TIAM2: variants seen among roughly 807,000 people sequenced by gnomAD.
TIAM2 encodes the protein rho guanine nucleotide exchange factor TIAM2.
TIAM2 carries 80 observed loss-of-function variants against 152.9 expected under a neutral mutation model. The ratio of observed to expected loss-of-function variants is 0.52; its 90% CI spans 0.44 to 0.63. The LOEUF is 0.63. TIAM2 is among the 30% of genes least tolerant of loss of function. The pLI, the probability that TIAM2 is intolerant of heterozygous loss-of-function variation, is 0.00. For synonymous variants in TIAM2, 804 were observed against 838.0 expected (o/e 0.96, Z 0.70); for missense variants, 1,965 against 2,120.1 (o/e 0.93, Z 1.44).
intron 6 of TIAM2, among the ~76,000 whole-genome samples, chr6:155,146,818 T>A (rs2352148): frequency 6.7e-6 from 1 of 148,836 alleles, no homozygotes; most frequent in South Asian, 2.1e-4. Flanking sequence ...TGTGTTTCAC[T>A]ATGTTGGCCA....
At chr6:155,040,675 C>T (rs1777009706) in intron 1 of TIAM2, among the ~76,000 whole-genome samples, 1 of 152,078 alleles carries the variant, frequency 6.6e-6, no homozygotes, top group Non-Finnish European at 1.5e-5. Context: ...TGCGCTACCA[C>T]ACCCGGCTAA....
At chr6:155,185,455 T>C (rs1360654774) in intron 14 of TIAM2, among the ~76,000 whole-genome samples, 1 of 151,834 alleles carries the variant, frequency 6.6e-6, no homozygotes, top group African/African-American at 2.4e-5. Context: ...AATTTTTTTT[T>C]AAATAGTAAG....
At chr6:155,060,399 T>C (rs549645384) in intron 1 of TIAM2, among the ~76,000 whole-genome samples, 14 of 152,252 alleles carry the variant, frequency 9.2e-5, no homozygotes, top group African/African-American at 3.4e-4. Flanking sequence ...CGAAACTCCG[T>C]CTCAAAAAAC....
chr6:155,065,099 AC>A (rs1328885301), intron 1 of TIAM2, among the ~76,000 whole-genome samples: 1 of 151,988 alleles, frequency 6.6e-6, no homozygotes, highest in Non-Finnish European at 1.5e-5. Flanking sequence ...GACTACAGGC[AC>A]CCGACACCAC....
In TIAM2 at chr6:155,046,202, T is replaced by A. The variant is rs147850486; in HGVS notation, c.-208-44087T>A. ...TCTCTTTTCTAGGATTCCCTCGAACTTTCTGGTTCACTGCTGGCTTCTCTT... is the reference window on the plus strand; with the variant it reads ...TCTCTTTTCTAGGATTCCCTCGAACATTCTGGTTCACTGCTGGCTTCTCTT... On this transcript the variant is annotated intron_variant, in intron 1 of 26. Transcript: ENST00000682666. Among the ~76,000 whole-genome samples, 427 of 152,278 alleles carry A rather than the reference T, an allele frequency of 2.8e-3. 3 individuals carry two copies. Among genetic ancestry groups the A allele is most frequent in the African/African-American group, 9.6e-3 (399 of 41,566 alleles).
chr6:155,119,905 C>T (rs1201327180), intron 2 of TIAM2, among the ~76,000 whole-genome samples: 2 of 152,230 alleles, frequency 1.3e-5, no homozygotes. Context: ...TTCCGTTCTG[C>T]TAGTCTCTCT....
chr6:155,046,779 G>A (rs1321509809), intron 1 of TIAM2, among the ~76,000 whole-genome samples: 2 of 152,154 alleles, frequency 1.3e-5, no homozygotes, highest in African/African-American at 4.8e-5. Flanking sequence ...GAGACAGAGA[G>A]ACCTTACTAC....
intron 1 of TIAM2, among the ~76,000 whole-genome samples, chr6:155,028,386 T>A (rs544598414): frequency 9.7e-6 from 1 of 103,102 alleles, no homozygotes; most frequent in Admixed American, 9.5e-5. Context: ...CTGTGTTACA[T>A]ATATACTACA....
intron 2 of TIAM2, among the ~76,000 whole-genome samples, chr6:155,120,315 C>G (rs1779122695): frequency 6.6e-6 from 1 of 152,232 alleles, no homozygotes; most frequent in Non-Finnish European, 1.5e-5. Flanking sequence ...ACAATGAAAG[C>G]TTAGCTTCTG....
chr6:155,144,144 C>A (rs960469869), intron 5 of TIAM2, among the ~76,000 whole-genome samples: 2 of 152,306 alleles, frequency 1.3e-5, no homozygotes, highest in East Asian at 3.9e-4. Flanking sequence ...TCAACATCGT[C>A]TTTGGAGAAA....
chr6:155,164,279 C>A, intron 7 of TIAM2, 136 bp from the exon 8 acceptor site: 1 of 713,726 alleles, frequency 1.4e-6, no homozygotes, highest in Non-Finnish European at 2.2e-6. Context: ...ATGGGGTGAG[C>A]AGGAAAGGCT....
intron 15 of TIAM2, among the ~76,000 whole-genome samples, chr6:155,228,903 A>G (rs1039431437): frequency 6.6e-6 from 1 of 152,188 alleles, no homozygotes; most frequent in Non-Finnish European, 1.5e-5. Context: ...AGCAGTGACC[A>G]TGGCGCTTCC....
chr6:155,211,284 G>A lies in TIAM2; in HGVS notation c.3145G>A (p.Glu1049Lys), dbSNP rs1174121781. ...DGTLDQVSHR[E>K]KMEQTFRSAE... ...CACTCTGGATCAGGTTTCCCACAGG[G>A]AGAAAATGGAGCAGACATTCAGGGT... The change falls in exon 15 of 27, where the codon GAG (glutamate) becomes AAG (lysine). Residue 1049 changes from glutamate to lysine, a missense_variant. Glu to Lys is a moderately conservative substitution (Grantham distance 56). Transcript: ENST00000682666. 1.2e-6 allele frequency: 2 copies of A among 1,613,382 alleles called. No homozygotes were observed.
chr6:155,119,392 C>T (rs372624159), intron 2 of TIAM2, among the ~76,000 whole-genome samples: 14 of 151,500 alleles, frequency 9.2e-5, no homozygotes, highest in Admixed American at 5.3e-4. Context: ...CAGGCTGGAG[C>T]GCAGTGATGC....
chr6:155,219,409 C>T (rs1190788162), intron 15 of TIAM2, among the ~76,000 whole-genome samples: 2 of 151,962 alleles, frequency 1.3e-5, no homozygotes, highest in Non-Finnish European at 2.9e-5. Flanking sequence ...CAGACTTTGC[C>T]CCTCCTGGAA....
intron 1 of TIAM2, among the ~76,000 whole-genome samples, chr6:154,996,824 G>A (rs1160994416): frequency 6.6e-6 from 1 of 152,126 alleles, no homozygotes; most frequent in African/African-American, 2.4e-5. Context: ...TTGTTCCACC[G>A]GATTTTACCT....
In TIAM2 at chr6:155,150,062, G is replaced by A. The variant is rs946902553; in HGVS notation, c.2028+1728G>A. 2.0e-5 allele frequency among the ~76,000 whole-genome samples: 3 copies of A among 149,738 alleles called. No individual in the cohort carries two copies. In the South Asian group the frequency reaches 6.3e-4, roughly 32 times the overall value. ...AATAGCAAAATAACCAAATAATTCC[G>A]ACCTCTGCCCCTCATTAATCTTCTC... On this transcript the variant is annotated intron_variant, in intron 7 of 26. Coordinates refer to ENST00000682666, the MANE Select transcript of TIAM2 (RefSeq NM_012454.4).
chr6:155,056,317 G>T (rs954998363), intron 1 of TIAM2, among the ~76,000 whole-genome samples: 1 of 151,230 alleles, frequency 6.6e-6, no homozygotes, highest in African/African-American at 2.4e-5. Context: ...GACTGTCGGC[G>T]CCTACCACCA....
At chr6:155,095,686 T>C (rs1334857734) in intron 2 of TIAM2, among the ~76,000 whole-genome samples, 1 of 152,218 alleles carries the variant, frequency 6.6e-6, no homozygotes, top group Non-Finnish European at 1.5e-5. Flanking sequence ...AGATGACCTC[T>C]CTGGTCTCTT....
Sources: allele counts gnomAD v4.1 joint callset (sites outside exome capture counted in the v4.1 genomes callset), GRCh38; gene constraint gnomAD v4.1.1; transcripts MANE v1.5; gene names NCBI Gene and HGNC (gene_info 2026-07-23, HGNC 2026-07-21).